CLPTM1L: variants seen among roughly 807,000 people sequenced by gnomAD.
The protein encoded by CLPTM1L is CLPTM1 like, also known as lipid scramblase CLPTM1L.
Under a neutral mutation model 70.9 loss-of-function variants are expected in CLPTM1L, and 38 were observed. That is an observed-to-expected ratio of 0.54 (90% CI 0.41 to 0.70). The LOEUF (loss-of-function observed/expected upper bound fraction) is 0.70, where lower values mean the gene tolerates loss of function less well. Ranked by LOEUF, CLPTM1L falls within the 30% of genes least tolerant of loss-of-function variation. CLPTM1L has a pLI of 0.00. For synonymous variants in CLPTM1L, 339 were observed against 299.9 expected, an observed-to-expected ratio of 1.13 and a Z score of -1.35; for missense variants, 652 against 705.9, an observed-to-expected ratio of 0.92 and a Z score of 0.87.
intron 5 of CLPTM1L, among the ~76,000 whole-genome samples, chr5:1,335,379 T>A (rs375172852): frequency 1.3e-5 from 2 of 152,002 alleles, no homozygotes. Flanking sequence ...CACAGGGAGG[T>A]TCCCACCCCC....
chr5:1,318,326 G>A lies in CLPTM1L; in HGVS notation c.*43C>T. 2 of 1,487,294 alleles carry A rather than the reference G, an allele frequency of 1.3e-6. No individual in the cohort carries two copies. Among genetic ancestry groups the A allele is most frequent in the East Asian group, 2.3e-5 (1 of 44,154 alleles). 92.1% of individuals were successfully genotyped at this position (1,487,294 alleles called of 1,614,324 possible). A position where few individuals can be genotyped will look rare whatever the true frequency, so the allele number is the denominator to read the frequency against. ...CCAAATGCTTCCAAAAATACTCATT[G>A]ACAATTCAAGTTGCACTTGGCTGGC... On this transcript the variant is annotated 3_prime_UTR_variant, in exon 17 of 17. Transcript: ENST00000320895. This position sits in a 1 kb window ranked among gnomAD's most constrained non-coding sequence, Gnocchi z 8.9.
At chr5:1,322,851 T>G (rs771816572) in intron 13 of CLPTM1L, 26 bp downstream of exon 13, 1 of 1,611,236 alleles carries the variant, frequency 6.2e-7, no homozygotes, top group East Asian at 2.2e-5. Context: ...ACACTAGTAC[T>G]GAAGCAGGGA....
At chr5:1,344,550 G>C in intron 1 of CLPTM1L, 99 bp from the exon 2 acceptor site, 2 of 1,461,124 alleles carry the variant, frequency 1.4e-6, no homozygotes, top group Non-Finnish European at 9.4e-7. Context: ...TGGCCGCTGG[G>C]GAACCAGGAA....
chr5:1,320,263 G>T, intron 16 of CLPTM1L: 1 of 182,836 alleles, frequency 5.5e-6, no homozygotes. Flanking sequence ...CTAGCGCCAA[G>T]TATGGATTAG....
chr5:1,323,057 T>C (rs1201127621), intron 12 of CLPTM1L, 146 bp from the exon 13 acceptor site: 5 of 799,490 alleles, frequency 6.3e-6, no homozygotes, highest in Admixed American at 4.3e-5. Context: ...GCAGCAGTGC[T>C]GAGCCTGGTT....
At chr5:1,329,276 G>C (rs953915559) in intron 9 of CLPTM1L, among the ~76,000 whole-genome samples, 1 of 152,266 alleles carries the variant, frequency 6.6e-6, no homozygotes. Context: ...AGTGATTTCC[G>C]TCAGTGCCTA....
At chr5:1,323,027 C>T (rs571764369) in intron 12 of CLPTM1L, 116 bp from the exon 13 acceptor site, 33 of 969,572 alleles carry the variant, frequency 3.4e-5, no homozygotes, top group South Asian at 1.4e-4. Context: ...GATGCTCTCA[C>T]GGCAGCTCGG....
At chr5:1,344,475 G>T in intron 1 of CLPTM1L, 24 bp from the exon 2 acceptor site, 1 of 1,599,102 alleles carries the variant, frequency 6.3e-7, no homozygotes, top group African/African-American at 1.3e-5. Flanking sequence ...GGCGTCGAGA[G>T]TCAGCTCGGC....
At chr5:1,343,271 T>C (rs1339187276) in intron 2 of CLPTM1L, among the ~76,000 whole-genome samples, 1 of 150,760 alleles carries the variant, frequency 6.6e-6, no homozygotes, top group East Asian at 1.9e-4. Context: ...CAGGAAAGAG[T>C]ATGTCTCCAC....
At chr5:1,335,666 A>G (rs943180922) in intron 5 of CLPTM1L, among the ~76,000 whole-genome samples, 4 of 152,236 alleles carry the variant, frequency 2.6e-5, no homozygotes, top group Non-Finnish European at 5.9e-5. Flanking sequence ...CGTGGGGACA[A>G]CAGAAAGCTT....
In CLPTM1L at chr5:1,335,024, C is replaced by A. The variant is rs137936715; in HGVS notation, c.796+33G>T. 4.4e-6 allele frequency: 7 copies of A among 1,579,458 alleles called. No individual in the cohort carries two copies. In the African/African-American group the frequency reaches 9.4e-5, roughly 21 times the overall value. On this transcript the variant is annotated intron_variant, in intron 6 of 16. Coordinates refer to ENST00000320895, the MANE Select transcript of CLPTM1L (RefSeq NM_030782.5). ...GATGCCCGAGGGGCTCCAGGGCGGC[C>A]TCACCCAGGCGCCGGCCGTGTGCGG...
At chr5:1,338,241 G>C (rs2111250338) in intron 4 of CLPTM1L, 1 of 553,322 alleles carries the variant, frequency 1.8e-6, no homozygotes, top group Non-Finnish European at 3.3e-6. Context: ...CTAGGAGCGG[G>C]GGAATTACAG....
chr5:1,344,503 C>T (rs1358160765), intron 1 of CLPTM1L, 52 bp from the exon 2 acceptor site: 1 of 1,541,640 alleles, frequency 6.5e-7, no homozygotes, highest in Non-Finnish European at 9.0e-7. Context: ...TGGCAGGACG[C>T]ACTCAAATCC....
Position 1,325,797 on chromosome 5 carries a change from G to T in CLPTM1L, c.1100C>A (p.Ala367Glu). 1 of 1,613,890 alleles carries T rather than the reference G, an allele frequency of 6.2e-7. No individual in the cohort carries two copies. The highest frequency in any genetic ancestry group is 8.5e-7 in the Non-Finnish European group (1 of 1,179,828). Residue 367 changes from alanine to glutamate, a missense_variant, in exon 10 of 17, where the codon GCA becomes GAA. Transcript: ENST00000320895. Reference sequence around the variant, plus strand: ...TCTCCAAAAAATAGTCATCTTCAATGCCTTCTTCACTTTCCACAGCTGAGG... The same window carrying T: ...TCTCCAAAAAATAGTCATCTTCAATTCCTTCTTCACTTTCCACAGCTGAGG... ...AAIELWKVKK[A>E]LKMTIFWRGL...
intron 16 of CLPTM1L, 96 bp downstream of exon 16, chr5:1,320,520 A>G (rs1409771489): frequency 1.6e-6 from 1 of 609,878 alleles, no homozygotes; most frequent in African/African-American, 1.9e-5. Flanking sequence ...TCAAATGGAT[A>G]AACAGGCGCA....
intron 10 of CLPTM1L, 66 bp from the exon 11 acceptor site, chr5:1,324,879 G>T: frequency 1.4e-6 from 2 of 1,456,948 alleles, no homozygotes; most frequent in Non-Finnish European, 1.9e-6. Flanking sequence ...GCTGAGCTGT[G>T]ACTAAGGGGC....
chr5:1,333,940 G>C (rs1753374419), intron 7 of CLPTM1L, among the ~76,000 whole-genome samples: 1 of 152,116 alleles, frequency 6.6e-6, no homozygotes, highest in Admixed American at 6.5e-5. Context: ...GTCGGGGCCT[G>C]GGCAGGGGAG....
intron 10 of CLPTM1L, chr5:1,325,178 A>T: frequency 5.9e-6 from 2 of 338,672 alleles, no homozygotes; most frequent in Non-Finnish European, 1.1e-5. Flanking sequence ...GGTGGAACAC[A>T]GTGGCTGCGC....
chr5:1,335,217 T>C, intron 5 of CLPTM1L, 43 bp from the exon 6 acceptor site: 2 of 1,507,582 alleles, frequency 1.3e-6, no homozygotes, highest in Admixed American at 1.7e-5. Flanking sequence ...CTCATACCCT[T>C]GCACCCAGCT....
Sources: gnomAD v4.1 joint callset for allele counts (sites outside exome capture counted in the v4.1 genomes callset) on GRCh38, gnomAD v4.1.1 for gene constraint, Gnocchi (gnomAD v3.1) non-coding constraint, MANE v1.5 for transcripts, NCBI Gene and HGNC (gene_info 2026-07-23, HGNC 2026-07-21) for gene names.